The following EYA4 variants were observed in gnomAD, a reference collection of about 807,000 sequenced individuals.
The protein encoded by EYA4 is protein phosphatase EYA4.
A neutral mutation model predicts 87.9 loss-of-function variants in EYA4; 31 were observed. The observed-to-expected ratio is 0.35, with a 90% CI of 0.27 to 0.48. The LOEUF is 0.48. EYA4 is among the 20% of genes least tolerant of loss of function. The probability of loss-of-function intolerance (pLI) is 0.99; values close to 1 mark genes in which losing one functional copy is unlikely to be tolerated. For synonymous variants in EYA4, 263 were observed against 270.6 expected (o/e 0.97, Z 0.28); for missense variants, 678 against 761.4 (o/e 0.89, Z 1.29).
chr6:133,252,207 A>G (rs1774964858), intron 1 of EYA4, among the ~76,000 whole-genome samples: 1 of 152,210 alleles, frequency 6.6e-6, no homozygotes, highest in African/African-American at 2.4e-5. Flanking sequence ...GTAATAAGAA[A>G]CTTTTATTTT....
intron 2 of EYA4, among the ~76,000 whole-genome samples, chr6:133,278,595 C>T (rs1777373220): frequency 6.6e-6 from 1 of 152,132 alleles, no homozygotes; most frequent in African/African-American, 2.4e-5. Flanking sequence ...AAATGTTATT[C>T]TCAGAGTAGA....
chr6:133,362,732 GT>G (rs1163785416), intron 2 of EYA4, among the ~76,000 whole-genome samples: 2 of 152,208 alleles, frequency 1.3e-5, no homozygotes, highest in Admixed American at 6.5e-5. Context: ...AATAGTAGAA[GT>G]TTATTTGATT....
intron 2 of EYA4, among the ~76,000 whole-genome samples, chr6:133,288,084 A>G (rs1399967170): frequency 6.6e-6 from 1 of 152,160 alleles, no homozygotes. Flanking sequence ...AGCCAAGATC[A>G]TGCCACTGCA....
chr6:133,392,289 T>C (rs774707629), intron 3 of EYA4, among the ~76,000 whole-genome samples: 2 of 152,064 alleles, frequency 1.3e-5, no homozygotes, highest in East Asian at 3.9e-4. Context: ...ACTAATGCCC[T>C]CAATTTTGCC....
At chr6:133,433,654 A>C (rs149114149) in intron 3 of EYA4, among the ~76,000 whole-genome samples, 40 of 152,282 alleles carry the variant, frequency 2.6e-4, no homozygotes, top group African/African-American at 8.4e-4. Context: ...GTGGCTGGCC[A>C]ACATGTTTAT....
intron 13 of EYA4, among the ~76,000 whole-genome samples, chr6:133,495,730 C>A (rs1432707188): frequency 6.6e-6 from 1 of 152,124 alleles, no homozygotes; most frequent in Non-Finnish European, 1.5e-5. Context: ...GTGTGTGTCA[C>A]AATAACCTGC....
At chr6:133,515,738 A>G (rs1799545585) in intron 17 of EYA4, among the ~76,000 whole-genome samples, 1 of 151,990 alleles carries the variant, frequency 6.6e-6, no homozygotes, top group Admixed American at 6.6e-5. Flanking sequence ...GCAACTGATA[A>G]TCCCCACAGA....
chr6:133,441,056 T>A (rs1404371817), intron 3 of EYA4, among the ~76,000 whole-genome samples: 1 of 152,180 alleles, frequency 6.6e-6, no homozygotes. Context: ...TTTCATCAGA[T>A]TTGGGAAAAT....
chr6:133,256,288 C>T (rs950234433), intron 1 of EYA4, among the ~76,000 whole-genome samples: 16 of 151,458 alleles, frequency 1.1e-4, no homozygotes, highest in African/African-American at 3.6e-4. Flanking sequence ...ACTTATGGTT[C>T]GTAAGCCCAA....
chr6:133,423,787 T>C (rs1312146897), intron 3 of EYA4, among the ~76,000 whole-genome samples: 1 of 152,182 alleles, frequency 6.6e-6, no homozygotes, highest in East Asian at 1.9e-4. Context: ...TCCTGCCCCT[T>C]AATAATTTAT....
At chr6:133,260,660 TTTTTGTC>T (rs1412282806) in intron 1 of EYA4, among the ~76,000 whole-genome samples, 1 of 152,224 alleles carries the variant, frequency 6.6e-6, no homozygotes, top group East Asian at 1.9e-4. Flanking sequence ...TTATTTTATT[TTTTTGTC>T]TTGAGGTTTC....
chr6:133,253,575 T>A (rs1011083513), intron 1 of EYA4, among the ~76,000 whole-genome samples: 1 of 152,106 alleles, frequency 6.6e-6, no homozygotes, highest in Non-Finnish European at 1.5e-5. Flanking sequence ...TGGCATATTC[T>A]CACCACCCTT....
chr6:133,344,049 T>C (rs1376550977), intron 2 of EYA4, among the ~76,000 whole-genome samples: 2 of 152,172 alleles, frequency 1.3e-5, no homozygotes, highest in African/African-American at 4.8e-5. Flanking sequence ...AACCTCTTAC[T>C]CTTGAGAAGC....
intron 1 of EYA4, among the ~76,000 whole-genome samples, chr6:133,264,471 C>T (rs77015445): frequency 0.023 from 3,441 of 152,358 alleles, 113 homozygotes; most frequent in African/African-American, 0.076. Flanking sequence ...GAGACCATTA[C>T]GTGGCTGTTG....
intron 2 of EYA4, among the ~76,000 whole-genome samples, chr6:133,331,603 A>G (rs1197724111): frequency 6.6e-6 from 1 of 152,186 alleles, no homozygotes; most frequent in Non-Finnish European, 1.5e-5. Flanking sequence ...CATTTCTAAG[A>G]AAGGACCTAG....
chr6:133,293,643 T>C (rs1016757984), intron 2 of EYA4, among the ~76,000 whole-genome samples: 2 of 152,084 alleles, frequency 1.3e-5, no homozygotes, highest in African/African-American at 4.8e-5. Flanking sequence ...TAAAGTTCTT[T>C]ATAAATATAA....
At chr6:133,490,393 C>CAA (rs58462211) in intron 13 of EYA4, among the ~76,000 whole-genome samples, 8,623 of 145,742 alleles carry the variant, frequency 0.059, 794 homozygotes, top group African/African-American at 0.2. Flanking sequence ...TAAAAAAAAA[C>CAA]AAAAAAAAAC....
chr6:133,272,714 C>T (rs1395778381), intron 1 of EYA4, among the ~76,000 whole-genome samples: 2 of 152,142 alleles, frequency 1.3e-5, no homozygotes, highest in Admixed American at 6.5e-5. Flanking sequence ...GCACCTCAAG[C>T]ACCATTGGAT....
chr6:133,467,510 T>G (rs1257431277), intron 10 of EYA4, among the ~76,000 whole-genome samples: 3 of 152,134 alleles, frequency 2.0e-5, no homozygotes, highest in Non-Finnish European at 4.4e-5. Context: ...TGTTTAAATA[T>G]GATGAGGTTT....
Sources: gnomAD v4.1 joint callset for allele counts (sites outside exome capture counted in the v4.1 genomes callset) on GRCh38, gnomAD v4.1.1 for gene constraint, MANE v1.5 for transcripts, NCBI Gene and HGNC (gene_info 2026-07-23, HGNC 2026-07-21) for gene names.